The following CARMIL1 variants were observed in gnomAD, a reference collection of about 807,000 sequenced individuals.
The protein encoded by CARMIL1 is F-actin-uncapping protein LRRC16A.
CARMIL1 carries 90 observed loss-of-function variants against 177.1 expected under a neutral mutation model. That is an observed-to-expected ratio of 0.51 (90% confidence interval 0.43 to 0.61). The LOEUF (loss-of-function observed/expected upper bound fraction) is 0.61, where lower values mean the gene tolerates loss of function less well. Ranked by LOEUF, CARMIL1 falls within the 20% of genes least tolerant of loss-of-function variation. The pLI is 0.00. For synonymous variants in CARMIL1, 577 were observed against 606.2 expected, an observed-to-expected ratio of 0.95 and a Z score of 0.71; for missense variants, 1,380 against 1,667.0, an observed-to-expected ratio of 0.83 and a Z score of 3.00.
intron 2 of CARMIL1, among the ~76,000 whole-genome samples, chr6:25,357,441 G>A (rs534267729): frequency 3.3e-5 from 5 of 152,166 alleles, no homozygotes; most frequent in South Asian, 4.1e-4. Context: ...AAAATTAGCC[G>A]GATGTGTTGG....
At chr6:25,439,330 G>A (rs1005997594) in intron 5 of CARMIL1, among the ~76,000 whole-genome samples, 1 of 152,218 alleles carries the variant, frequency 6.6e-6, no homozygotes, top group African/African-American at 2.4e-5. Flanking sequence ...GCTGGGGCTT[G>A]GAGGAGAGGT....
chr6:25,440,601 G>A (rs1204436765), intron 5 of CARMIL1, among the ~76,000 whole-genome samples: 1 of 152,194 alleles, frequency 6.6e-6, no homozygotes, highest in Non-Finnish European at 1.5e-5. Context: ...TGTGACTAGA[G>A]AGGGTGGAGA....
rs989896084 is a variant in CARMIL1 at position 25,279,466 on chromosome 6, C to T, written c.-330C>T. ...CGCCGGCCCAAGCCCCGCCGGGGAC[C>T]AGCGAGCCGGGAGGAGGAGCAGGCG... On this transcript the variant is annotated 5_prime_UTR_variant, in exon 1 of 37. Coordinates refer to ENST00000329474, the MANE Select transcript of CARMIL1 (RefSeq NM_017640.6). 2.5e-5 allele frequency: 11 copies of T among 436,030 alleles called. No homozygotes were observed. In the Admixed American group the frequency reaches 2.6e-4, roughly 10 times the overall value. The allele number at this position is 436,030 out of a possible 1,614,324, so 27.0% of individuals were successfully genotyped here.
At chr6:25,589,819 C>A (rs560390632) in intron 31 of CARMIL1, among the ~76,000 whole-genome samples, 111 of 152,312 alleles carry the variant, frequency 7.3e-4, no homozygotes, top group African/African-American at 2.6e-3. Context: ...TAGGAAACTT[C>A]TATTTATTCA....
In CARMIL1 at chr6:25,577,611, T is replaced by A. The variant is rs72839087; in HGVS notation, c.2743-3313T>A. Among the ~76,000 whole-genome samples, 22,709 of 151,614 alleles carry A rather than the reference T, an allele frequency of 0.15. 1,793 individuals carry two copies. Among genetic ancestry groups the A allele is most frequent in the Middle Eastern group, 0.21 (62 of 294 alleles). On this transcript the variant is annotated intron_variant, in intron 29 of 36. Transcript: ENST00000329474. The surrounding 1 kb of genome is among the most constrained non-coding windows in gnomAD (Gnocchi z 4.5). The stretch of plus-strand genomic sequence containing the variant: ...TTAAGCAACTTGACTCTCATTTTTT[T>A]AAAAAAAAAGTATGTCTAGGAATTA...
At chr6:25,456,678 A>G (rs1799558589) in intron 8 of CARMIL1, among the ~76,000 whole-genome samples, 1 of 152,182 alleles carries the variant, frequency 6.6e-6, no homozygotes, top group Non-Finnish European at 1.5e-5. Flanking sequence ...AGAGGTACTT[A>G]CTGGTGCCAA....
chr6:25,336,461 T>A (rs916784246), intron 2 of CARMIL1, among the ~76,000 whole-genome samples: 3 of 152,206 alleles, frequency 2.0e-5, no homozygotes, highest in African/African-American at 7.2e-5. Context: ...TGGTCTCAGG[T>A]TGCCTGGGTT....
chr6:25,285,485 G>A (rs1352023119), intron 2 of CARMIL1, among the ~76,000 whole-genome samples: 3 of 152,176 alleles, frequency 2.0e-5, no homozygotes, highest in Admixed American at 2.0e-4. Context: ...GAGATGCTGA[G>A]GGATTGGGCC....
intron 2 of CARMIL1, among the ~76,000 whole-genome samples, chr6:25,298,608 T>C (rs955900063): frequency 4.1e-5 from 6 of 148,002 alleles, no homozygotes; most frequent in South Asian, 2.2e-4. Flanking sequence ...CCTCTTTCAC[T>C]TCCCAGTTAC....
chr6:25,478,309 G>A lies in CARMIL1; in HGVS notation c.875-3948G>A, dbSNP rs910613564. 1.3e-4 allele frequency among the ~76,000 whole-genome samples: 20 copies of A among 152,074 alleles called. 1 individual carries two copies. Among genetic ancestry groups the A allele is most frequent in the African/African-American group, 3.6e-4 (15 of 41,486 alleles). ...GTGTATATCAGTGAGTCCCAGAGTC[G>A]AAACACATGGGTTTAATTCCTGGCT... On this transcript the variant is annotated intron_variant, in intron 11 of 36. Transcript: ENST00000329474.
chr6:25,478,081 C>T (rs1801745976), intron 11 of CARMIL1, among the ~76,000 whole-genome samples: 1 of 151,964 alleles, frequency 6.6e-6, no homozygotes, highest in Non-Finnish European at 1.5e-5. Flanking sequence ...CTTCTCCACT[C>T]ACTCTATTCA....
At chr6:25,442,514 A>G (rs1412327650) in intron 5 of CARMIL1, among the ~76,000 whole-genome samples, 1 of 151,522 alleles carries the variant, frequency 6.6e-6, no homozygotes, top group Non-Finnish European at 1.5e-5. Context: ...GCCCGGTAAC[A>G]AATACACTGA....
At chr6:25,319,859 C>T (rs73396126) in intron 2 of CARMIL1, among the ~76,000 whole-genome samples, 34,259 of 150,368 alleles carry the variant, frequency 0.23, 4,006 homozygotes, top group East Asian at 0.4. Flanking sequence ...CCTCCACCTC[C>T]GGGGTTCAAG....
At chr6:25,608,758 G>T (rs536908073) in intron 35 of CARMIL1, among the ~76,000 whole-genome samples, 1 of 152,248 alleles carries the variant, frequency 6.6e-6, no homozygotes, top group Non-Finnish European at 1.5e-5. Context: ...TGCTTATTTT[G>T]GTTAAGCAAG....
intron 29 of CARMIL1, among the ~76,000 whole-genome samples, chr6:25,571,465 G>T (rs976659952): frequency 1.3e-5 from 2 of 152,152 alleles, no homozygotes; most frequent in Admixed American, 6.5e-5. Flanking sequence ...TTATAATTTT[G>T]CAGTTCTGAT....
At chr6:25,290,369 C>CTTTT (rs910242856) in intron 2 of CARMIL1, among the ~76,000 whole-genome samples, 7 of 95,344 alleles carry the variant, frequency 7.3e-5, no homozygotes, top group Non-Finnish European at 1.1e-4. Flanking sequence ...TGCTGGGATT[C>CTTTT]TTTTTTTTTT....
intron 2 of CARMIL1, among the ~76,000 whole-genome samples, chr6:25,355,371 G>C (rs1242636089): frequency 4.6e-5 from 7 of 152,178 alleles, no homozygotes; most frequent in Non-Finnish European, 1.0e-4. Context: ...AGTAAGGACA[G>C]GTGGCTCATG....
chr6:25,487,771 A>G lies in CARMIL1; in HGVS notation c.962-711A>G, dbSNP rs373387884. 3.3e-5 allele frequency among the ~76,000 whole-genome samples: 5 copies of G among 152,194 alleles called. No individual in the cohort carries two copies. In the South Asian group the frequency reaches 8.3e-4, roughly 25 times the overall value. On this transcript the variant is annotated intron_variant, in intron 12 of 36. Transcript: ENST00000329474. ...GCCTGTCAATAACTGTTACCCACCT[A>G]TAAGAGAACTTAGTTCTATCCATAC...
rs1158730893 is a variant in CARMIL1, at chr6:25,606,206, G to A, written c.3780G>A (p.Gln1260=). The change falls in exon 35 of 37, where the codon CAG becomes CAA. Residue 1260 remains glutamine, a synonymous_variant. Transcript: ENST00000329474. The part of the protein sequence containing the change: ...STPTSPKPLL[Q]SPKPSLAARP... ...CTACGAGCCCGAAGCCCCTCCTGCA[G>A]TCCCCCAAACCCAGTCTGGCAGCAC... 5 of 1,613,832 alleles carry A rather than the reference G, an allele frequency of 3.1e-6. No individual in the cohort carries two copies. The East Asian group carries it at 8.9e-5, about 29-fold the overall frequency.
Sources: gnomAD v4.1 joint callset for allele counts (sites outside exome capture counted in the v4.1 genomes callset) on GRCh38, gnomAD v4.1.1 for gene constraint, Gnocchi (gnomAD v3.1) non-coding constraint, MANE v1.5 for transcripts, NCBI Gene and HGNC (gene_info 2026-07-23, HGNC 2026-07-21) for gene names.